The following CNTN5 variants were observed in gnomAD, a reference collection of about 807,000 sequenced individuals.
The protein encoded by CNTN5 is contactin 5, also known as contactin-5.
In CNTN5, 77 loss-of-function variants were observed where a neutral mutation model predicts 129.1. The observed-to-expected ratio is 0.60, with a 90% CI of 0.50 to 0.72. CNTN5 has a LOEUF of 0.72. Ranked by LOEUF, CNTN5 falls within the 30% of genes least tolerant of loss-of-function variation. The probability of loss-of-function intolerance (pLI) is 0.00; values close to 1 mark genes in which losing one functional copy is unlikely to be tolerated. For synonymous variants in CNTN5, 509 were observed against 465.6 expected (o/e 1.09, Z -1.20); for missense variants, 1,478 against 1,328.8 (o/e 1.11, Z -1.75).
chr11:99,430,406 C>T (rs2135100495), intron 2 of CNTN5, among the ~76,000 whole-genome samples: 1 of 149,304 alleles, frequency 6.7e-6, no homozygotes, highest in East Asian at 2.0e-4. Flanking sequence ...TACATATACA[C>T]ATATATAAAG....
intron 15 of CNTN5, 89 bp downstream of exon 15, chr11:100,193,752 A>AT: frequency 6.5e-6 from 7 of 1,076,198 alleles, no homozygotes; most frequent in Non-Finnish European, 6.7e-6. Context: ...TGAAGTGCTA[A>AT]GAAAAAAAAA....
At chr11:99,469,713 G>T (rs1216266382) in intron 2 of CNTN5, among the ~76,000 whole-genome samples, 1 of 151,738 alleles carries the variant, frequency 6.6e-6, no homozygotes, top group Admixed American at 6.6e-5. Flanking sequence ...GTCTGTCTAT[G>T]GTTTTATTTA....
intron 7 of CNTN5, among the ~76,000 whole-genome samples, chr11:99,951,795 T>C (rs1245611176): frequency 6.6e-6 from 1 of 152,152 alleles, no homozygotes; most frequent in African/African-American, 2.4e-5. Flanking sequence ...CTCTGACTCA[T>C]ATTCTCAAAG....
intron 4 of CNTN5, among the ~76,000 whole-genome samples, chr11:99,820,594 C>G (rs74465504): frequency 6.1e-5 from 1 of 16,340 alleles, no homozygotes; most frequent in Non-Finnish European, 2.2e-4. Context: ...GCAGGATGAA[C>G]GGCACCTGTT....
intron 3 of CNTN5, among the ~76,000 whole-genome samples, chr11:99,769,601 C>T (rs954209366): frequency 1.3e-5 from 2 of 151,940 alleles, no homozygotes; most frequent in Non-Finnish European, 2.9e-5. Context: ...CTTTGGGAGG[C>T]TGAAGAGGGC....
chr11:99,763,081 CA>C, intron 3 of CNTN5, among the ~76,000 whole-genome samples: 1 of 152,194 alleles, frequency 6.6e-6, no homozygotes, highest in East Asian at 1.9e-4. Flanking sequence ...CTCTCTGTAT[CA>C]AAACATAACA....
At chr11:99,921,910 A>G (rs181747797) in intron 7 of CNTN5, among the ~76,000 whole-genome samples, 2 of 152,304 alleles carry the variant, frequency 1.3e-5, no homozygotes, top group Non-Finnish European at 2.9e-5. Flanking sequence ...TTTTCTCATA[A>G]TTATATTGTG....
intron 4 of CNTN5, among the ~76,000 whole-genome samples, chr11:99,839,842 C>G (rs1040244529): frequency 2.0e-5 from 3 of 151,802 alleles, no homozygotes; most frequent in Non-Finnish European, 2.9e-5. Flanking sequence ...GAAGATAAAC[C>G]ATTACACAGT....
chr11:100,223,092 A>T (rs1321471676), intron 15 of CNTN5, among the ~76,000 whole-genome samples: 1 of 152,182 alleles, frequency 6.6e-6, no homozygotes, highest in African/African-American at 2.4e-5. Context: ...TTCAGTTAGG[A>T]TTTAAAAGTA....
intron 1 of CNTN5, among the ~76,000 whole-genome samples, chr11:99,109,955 A>G (rs980534363): frequency 6.6e-6 from 1 of 152,168 alleles, no homozygotes; most frequent in Non-Finnish European, 1.5e-5. Context: ...GTTTATCATG[A>G]TAAGTGCTGA....
At chr11:99,042,365 CTTTTTTT>C (rs1210153589) in intron 1 of CNTN5, among the ~76,000 whole-genome samples, 181 of 83,798 alleles carry the variant, frequency 2.2e-3, no homozygotes, top group African/African-American at 8.3e-3. Context: ...TCTTCTTCTT[CTTTTTTT>C]TTTTTTTTTT....
intron 1 of CNTN5, among the ~76,000 whole-genome samples, chr11:99,247,508 C>T (rs1408108778): frequency 4.0e-5 from 6 of 151,722 alleles, no homozygotes; most frequent in Admixed American, 6.6e-5. Context: ...ATGTGCACAA[C>T]GTGCAGGTTA....
chr11:99,059,712 T>C (rs1289739927), intron 1 of CNTN5, among the ~76,000 whole-genome samples: 1 of 152,232 alleles, frequency 6.6e-6, no homozygotes, highest in East Asian at 1.9e-4. Context: ...AATATTCCTA[T>C]ACTGTTTCAT....
chr11:99,083,025 A>T (rs892678829), intron 1 of CNTN5, among the ~76,000 whole-genome samples: 1 of 135,126 alleles, frequency 7.4e-6, no homozygotes, highest in South Asian at 2.7e-4. Flanking sequence ...ATTACAATAA[A>T]TGATTTAAAC....
At chr11:99,783,744 C>T (rs1234427298) in intron 3 of CNTN5, among the ~76,000 whole-genome samples, 1 of 149,674 alleles carries the variant, frequency 6.7e-6, no homozygotes, top group Non-Finnish European at 1.5e-5. Flanking sequence ...ACCGCATATT[C>T]TCACTCATAG....
Position 99,386,798 on chromosome 11 carries a change from C to T in CNTN5, c.-71+61314C>T, listed in dbSNP as rs1424699510. On this transcript the variant is annotated intron_variant, in intron 2 of 24. Transcript: ENST00000524871. Reference sequence around the variant, plus strand: ...AAATAATTGAACAAAAATCTCAGCACTTAGGAGCCAGATATAGGGAAACAG... The same window carrying T: ...AAATAATTGAACAAAAATCTCAGCATTTAGGAGCCAGATATAGGGAAACAG... Among the ~76,000 whole-genome samples, 4 of 152,208 alleles carry T rather than the reference C, an allele frequency of 2.6e-5. No individual in the cohort carries two copies. The South Asian group carries it at 8.3e-4, about 32-fold the overall frequency.
chr11:100,333,632 A>T (rs1951958494), intron 21 of CNTN5, among the ~76,000 whole-genome samples: 1 of 152,014 alleles, frequency 6.6e-6, no homozygotes, highest in Admixed American at 6.6e-5. Context: ...AATAAAGCCA[A>T]ATACTTACAG....
chr11:99,346,702 TG>T (rs2136070756), intron 2 of CNTN5, among the ~76,000 whole-genome samples: 1 of 152,322 alleles, frequency 6.6e-6, no homozygotes, highest in Non-Finnish European at 1.5e-5. Flanking sequence ...TATTTAGAGA[TG>T]TGACCTCTGG....
At chr11:99,924,860 G>A (rs1008789785) in intron 7 of CNTN5, among the ~76,000 whole-genome samples, 6 of 152,050 alleles carry the variant, frequency 3.9e-5, no homozygotes, top group Non-Finnish European at 8.8e-5. Flanking sequence ...GGTGATTAAT[G>A]AATCTGTTCA....
Sources: allele counts gnomAD v4.1 joint callset (sites outside exome capture counted in the v4.1 genomes callset), GRCh38; gene constraint gnomAD v4.1.1; transcripts MANE v1.5; gene names NCBI Gene and HGNC (gene_info 2026-07-23, HGNC 2026-07-21).